The following BMP8B variants were observed in gnomAD, a reference collection of about 807,000 sequenced individuals.
BMP8B encodes bone morphogenetic protein 8 (osteogenic protein 2).
A neutral mutation model predicts 30.3 loss-of-function variants in BMP8B; 17 were observed. The ratio of observed to expected loss-of-function variants is 0.56; its 90% confidence interval spans 0.38 to 0.84. The LOEUF (loss-of-function observed/expected upper bound fraction) is 0.84, where lower values mean the gene tolerates loss of function less well. Ranked by LOEUF, BMP8B falls within the 40% of genes least tolerant of loss-of-function variation. BMP8B has a pLI of 0.00. For missense variants in BMP8B, 253 were observed against 494.6 expected (o/e 0.51, Z 4.63); for synonymous variants, 131 against 214.7 (o/e 0.61, Z 3.41).
chr1:39,774,460 TG>T lies in BMP8B; in HGVS notation c.525-5del. Reference sequence around the variant, plus strand: ...CAAAAAGAACAAGTCAGACTCCCTGTGGACATGAAAGAACAATTAACCGGCG... The same window carrying T: ...CAAAAAGAACAAGTCAGACTCCCTGTGACATGAAAGAACAATTAACCGGCG... On this transcript the variant is annotated splice_region_variant and splice_polypyrimidine_tract_variant and intron_variant, in intron 2 of 6. Transcript: ENST00000372827. 1 of 352,920 alleles carries T rather than the reference TG, an allele frequency of 2.8e-6. No individual in the cohort carries two copies. The highest frequency in any genetic ancestry group is 4.3e-6 in the Non-Finnish European group (1 of 231,232). The allele number at this position is 352,920 out of a possible 1,614,324, so 21.9% of individuals were successfully genotyped here.
At chr1:39,780,772 G>A (rs921059854) in intron 1 of BMP8B, among the ~76,000 whole-genome samples, 1 of 152,230 alleles carries the variant, frequency 6.6e-6, no homozygotes, top group Non-Finnish European at 1.5e-5. Context: ...GTAGGCACCT[G>A]TACTTCCCAG....
rs548183268 is a variant in BMP8B at position 39,777,026 on chromosome 1, G to A, written c.335-1988C>T. ...ATGGGTGCTTTTCATAGGGTGCTCC[G>A]TATGGCCTTTGAGAAAGAAAAAGAT... On this transcript the variant is annotated intron_variant, in intron 1 of 6. Transcript: ENST00000372827. Among the ~76,000 whole-genome samples the A allele has an allele frequency of 3.9e-5, 6 of 152,188 alleles. No homozygotes were observed. In the East Asian group the frequency reaches 5.8e-4, roughly 15 times the overall value.
intron 1 of BMP8B, among the ~76,000 whole-genome samples, chr1:39,783,297 G>T (rs1650776140): frequency 6.6e-6 from 1 of 152,096 alleles, no homozygotes. Context: ...AGGACCCGGG[G>T]CCAGTCACTT....
In BMP8B at chr1:39,770,336, G is replaced by T. The variant is rs368645697; in HGVS notation, c.673+3972C>A. The T allele has an allele frequency of 4.4e-5, 70 of 1,590,796 alleles. 4 individuals carry two copies. The Middle Eastern group carries it at 1.2e-3, about 27-fold the overall frequency. On this transcript the variant is annotated intron_variant, in intron 3 of 6. Transcript: ENST00000372827. ...GTACATGCCGTCCTCAAATTCCAGAGCTGCGCGTCTGATGATGCGCGTCCT... is the reference window on the plus strand; with the variant it reads ...GTACATGCCGTCCTCAAATTCCAGATCTGCGCGTCTGATGATGCGCGTCCT...
intron 1 of BMP8B, among the ~76,000 whole-genome samples, chr1:39,780,419 G>A (rs1223154141): frequency 6.6e-6 from 1 of 152,156 alleles, no homozygotes; most frequent in East Asian, 1.9e-4. Flanking sequence ...CCTAATCCAC[G>A]ACCTCTCCAA....
chr1:39,768,634 C>G (rs1213564260), intron 3 of BMP8B, among the ~76,000 whole-genome samples: 5 of 149,510 alleles, frequency 3.3e-5, no homozygotes, highest in African/African-American at 1.2e-4. Flanking sequence ...GGTGGATCAC[C>G]TGAGGCCCAG....
chr1:39,784,503 T>C (rs1487235105), intron 1 of BMP8B, among the ~76,000 whole-genome samples: 1 of 125,208 alleles, frequency 8.0e-6, no homozygotes, highest in Non-Finnish European at 1.7e-5. Context: ...GTATTATGTG[T>C]CTCTAGACTA....
intron 6 of BMP8B, 85 bp downstream of exon 6, chr1:39,763,007 A>G: frequency 6.6e-7 from 1 of 1,519,822 alleles, no homozygotes; most frequent in South Asian, 1.1e-5. Flanking sequence ...AGGTGGCCTC[A>G]CTGCCCTCCC....
chr1:39,766,310 C>G (rs1056415418), intron 3 of BMP8B, among the ~76,000 whole-genome samples: 2 of 146,388 alleles, frequency 1.4e-5, no homozygotes, highest in African/African-American at 5.2e-5. Flanking sequence ...GCCAGTTGTT[C>G]AGTTTACACG....
At chr1:39,786,973 A>T (rs10789029) in intron 1 of BMP8B, among the ~76,000 whole-genome samples, 51,962 of 151,924 alleles carry the variant, frequency 0.34, 9,241 homozygotes, top group Middle Eastern at 0.5. Context: ...CTCAGCCCAG[A>T]CTCCTCAGAA....
Position 39,758,611 on chromosome 1 carries a change from A to G in BMP8B, c.*1808T>C, listed in dbSNP as rs1365821481. Reference sequence around the variant, plus strand: ...GTTATGAGGCTGCTTCTGGCTCACTATGAGGAGTTGGTAGACAGATTCTTT... The same window carrying G: ...GTTATGAGGCTGCTTCTGGCTCACTGTGAGGAGTTGGTAGACAGATTCTTT... On this transcript the variant is annotated 3_prime_UTR_variant, in exon 7 of 7. Transcript: ENST00000372827. 4 of 152,244 alleles carry G rather than the reference A, an allele frequency of 2.6e-5. No homozygotes were observed. The highest frequency in any genetic ancestry group is 6.5e-5 in the Admixed American group (1 of 15,278). The allele number at this position is 152,244 out of a possible 1,614,324, so 9.4% of individuals were successfully genotyped here.
At chr1:39,771,179 T>G in intron 3 of BMP8B, 1 of 1,548,114 alleles carries the variant, frequency 6.5e-7, no homozygotes, top group Non-Finnish European at 8.7e-7. Flanking sequence ...GGCGCAGCCC[T>G]GGGACAGCGC....
Position 39,787,925 on chromosome 1 carries a change from G to A in BMP8B, c.334+227C>T, listed in dbSNP as rs577409264. ...GTGTTTGGGGCAGGGTGAAGGCAGC[G>A]CCTGGGAGTCCACAGTCCCCCACAC... is the stretch of plus-strand genomic sequence containing the variant. On this transcript the variant is annotated intron_variant, in intron 1 of 6. Transcript: ENST00000372827. Among the ~76,000 whole-genome samples the A allele has an allele frequency of 1.6e-3, 240 of 152,254 alleles. 2 individuals carry two copies. The highest frequency in any genetic ancestry group is 3.0e-3 in the Non-Finnish European group (203 of 68,022).
At position 39,758,973 on chromosome 1, in the gene BMP8B, C is replaced by G. The variant is rs1057121209; in HGVS notation, c.*1446G>C. The G allele has an allele frequency of 6.6e-6, 1 of 152,264 alleles. No homozygotes were observed. The highest frequency in any genetic ancestry group is 2.4e-5 in the African/African-American group (1 of 41,442). 9.4% of individuals were successfully genotyped at this position (152,264 alleles called of 1,614,324 possible). The stretch of plus-strand genomic sequence containing the variant: ...AACTCCAGAGAGGCGCATCCTTGGG[C>G]CCATGGGGAGGTGGAACCACTCTGC... On this transcript the variant is annotated 3_prime_UTR_variant, in exon 7 of 7. Coordinates refer to ENST00000372827, the MANE Select transcript of BMP8B (RefSeq NM_001720.5).
intron 1 of BMP8B, among the ~76,000 whole-genome samples, chr1:39,783,294 G>A (rs910507566): frequency 2.0e-5 from 3 of 152,086 alleles, no homozygotes; most frequent in African/African-American, 7.2e-5. Flanking sequence ...TCCAGGACCC[G>A]GGGCCAGTCA....
chr1:39,788,107 CA>C lies in BMP8B; in HGVS notation c.334+44del. 2 of 1,505,240 alleles carry C rather than the reference CA, an allele frequency of 1.3e-6. No individual in the cohort carries two copies. Among genetic ancestry groups the C allele is most frequent in the Non-Finnish European group, 1.8e-6 (2 of 1,138,272 alleles). The allele number at this position is 1,505,240 out of a possible 1,614,324, so 93.2% of individuals were successfully genotyped here. ...CCCGCGGATGCGCGCCCCTCCCCTG[CA>C]GCCAGCTTACTCCGAGGGTCCCCGC... On this transcript the variant is annotated intron_variant, in intron 1 of 6. Transcript: ENST00000372827. This position sits in a 1 kb window ranked among gnomAD's most constrained non-coding sequence, Gnocchi z 5.8.
chr1:39,779,399 T>TG (rs922085255), intron 1 of BMP8B, among the ~76,000 whole-genome samples: 8 of 151,702 alleles, frequency 5.3e-5, no homozygotes, highest in African/African-American at 1.7e-4. Flanking sequence ...GGGTGCACCA[T>TG]GGGGGGTGCC....
At chr1:39,780,365 T>G (rs1650545374) in intron 1 of BMP8B, among the ~76,000 whole-genome samples, 1 of 152,174 alleles carries the variant, frequency 6.6e-6, no homozygotes, top group African/African-American at 2.4e-5. Context: ...AAGGTGGGAT[T>G]TGGGTCAAAG....
rs1490970731 is a variant in BMP8B at position 39,763,176 on chromosome 1, G to C, written c.975C>G (p.Tyr325Ter). ...ACTCCCCCTCACAGTAATAGGCCGA[G>C]TAGCCTTGGGGAGCGATGACCCAGT... is the stretch of plus-strand genomic sequence containing the variant. ...WLDWVIAPQGYSAYYCEGECS... is the reference protein window; with the variant it reads ...WLDWVIAPQG The change falls in exon 6 of 7, where the codon TAC becomes TAG. Residue 325 changes from tyrosine to a stop codon, truncating the protein, a stop_gained. Coordinates refer to ENST00000372827, the MANE Select transcript of BMP8B (RefSeq NM_001720.5). LOFTEE classifies it high-confidence loss of function. The C allele has an allele frequency of 1.2e-6, 2 of 1,613,760 alleles. No homozygotes were observed. Among genetic ancestry groups the C allele is most frequent in the Non-Finnish European group, 1.7e-6 (2 of 1,179,876 alleles).
Sources: allele counts gnomAD v4.1 joint callset (sites outside exome capture counted in the v4.1 genomes callset), GRCh38; gene constraint gnomAD v4.1.1; non-coding constraint Gnocchi (gnomAD v3.1); transcripts MANE v1.5; gene names NCBI Gene and HGNC (gene_info 2026-07-23, HGNC 2026-07-21).